Variants in SHB observed in about 807,000 individuals in gnomAD.
SHB encodes SH2 domain containing adaptor protein B, also known as SH2 domain-containing adapter protein B.
A neutral mutation model predicts 52.3 loss-of-function variants in SHB; 20 were observed. The ratio of observed to expected loss-of-function variants is 0.38; its 90% CI spans 0.27 to 0.56. The LOEUF (loss-of-function observed/expected upper bound fraction) is 0.56, where lower values mean the gene tolerates loss of function less well. Among genes scored for constraint, SHB ranks in the 20% least tolerant of loss-of-function variants. The pLI, the probability that SHB is intolerant of heterozygous loss-of-function variation, is 0.71. For missense variants in SHB, 825 were observed against 723.3 expected (o/e 1.14, Z -1.61); for synonymous variants, 397 against 316.5 (o/e 1.25, Z -2.70).
chr9:37,939,112 C>A (rs1001201744), intron 5 of SHB, among the ~76,000 whole-genome samples: 3 of 152,202 alleles, frequency 2.0e-5, no homozygotes, highest in African/African-American at 7.2e-5. Context: ...TATCACACAC[C>A]CAGGGCCAGA....
At chr9:37,967,604 A>T (rs1169791912) in intron 3 of SHB, among the ~76,000 whole-genome samples, 1 of 152,190 alleles carries the variant, frequency 6.6e-6, no homozygotes, top group African/African-American at 2.4e-5. Flanking sequence ...CCTAATACAA[A>T]GCATGTACTC....
chr9:38,008,643 C>G (rs1821101433), intron 2 of SHB, among the ~76,000 whole-genome samples: 1 of 152,208 alleles, frequency 6.6e-6, no homozygotes, highest in South Asian at 2.1e-4. Context: ...AGTGCACAAC[C>G]CTCTCTGGGC....
chr9:37,980,393 C>T (rs1306128505), intron 2 of SHB, among the ~76,000 whole-genome samples: 5 of 152,210 alleles, frequency 3.3e-5, no homozygotes, highest in Non-Finnish European at 1.5e-5. Flanking sequence ...TAAGAAGCAA[C>T]TCTTTATTTG....
chr9:38,006,087 T>G (rs897866662), intron 2 of SHB, among the ~76,000 whole-genome samples: 38 of 152,042 alleles, frequency 2.5e-4, no homozygotes, highest in Non-Finnish European at 1.5e-5. Flanking sequence ...CCCCATCAGG[T>G]GACTGACTTT....
At chr9:37,958,630 TC>T (rs1377682956) in intron 3 of SHB, among the ~76,000 whole-genome samples, 1 of 152,188 alleles carries the variant, frequency 6.6e-6, no homozygotes, top group African/African-American at 2.4e-5. Flanking sequence ...CTCAAGGCCT[TC>T]CCAGGGGACA....
At chr9:38,047,792 A>C (rs973522518) in intron 1 of SHB, among the ~76,000 whole-genome samples, 1 of 152,248 alleles carries the variant, frequency 6.6e-6, no homozygotes, top group African/African-American at 2.4e-5. Flanking sequence ...AGTGGGTGTT[A>C]AGCAAACAAG....
chr9:37,986,977 T>C (rs1216406703), intron 2 of SHB, among the ~76,000 whole-genome samples: 1 of 152,234 alleles, frequency 6.6e-6, no homozygotes, highest in Non-Finnish European at 1.5e-5. Flanking sequence ...CAGAGAGGCC[T>C]GGGGCCACAC....
At chr9:38,063,249 T>G (rs1484076288) in intron 1 of SHB, among the ~76,000 whole-genome samples, 1 of 152,238 alleles carries the variant, frequency 6.6e-6, no homozygotes, top group Non-Finnish European at 1.5e-5. Flanking sequence ...CAAATGGGAA[T>G]GACTGACAAC....
At chr9:38,038,200 C>T (rs994500556) in intron 1 of SHB, among the ~76,000 whole-genome samples, 1 of 152,174 alleles carries the variant, frequency 6.6e-6, no homozygotes, top group African/African-American at 2.4e-5. Flanking sequence ...CAGCAGCACA[C>T]AACAGGCTGG....
intron 1 of SHB, among the ~76,000 whole-genome samples, chr9:38,055,431 G>C (rs960144202): frequency 6.6e-6 from 1 of 152,098 alleles, no homozygotes; most frequent in African/African-American, 2.4e-5. Flanking sequence ...GTTGATGGTG[G>C]GCCGAAAACG....
chr9:38,017,487 C>T (rs1194248998), intron 1 of SHB, among the ~76,000 whole-genome samples: 2 of 152,192 alleles, frequency 1.3e-5, no homozygotes, highest in African/African-American at 2.4e-5. Flanking sequence ...AGCAAGTGAC[C>T]GCCAGCTGCC....
At chr9:38,013,345 T>C (rs1821166550) in intron 2 of SHB, among the ~76,000 whole-genome samples, 1 of 152,206 alleles carries the variant, frequency 6.6e-6, no homozygotes, top group South Asian at 2.1e-4. Flanking sequence ...GTGCAGTGGC[T>C]CATGCCTGCA....
intron 5 of SHB, among the ~76,000 whole-genome samples, chr9:37,942,615 C>T (rs1832446957): frequency 6.6e-6 from 1 of 152,250 alleles, no homozygotes; most frequent in African/African-American, 2.4e-5. Context: ...ATGTGTAGGG[C>T]TTATCTGCCA....
intron 5 of SHB, among the ~76,000 whole-genome samples, chr9:37,937,701 G>T (rs1032172672): frequency 6.6e-6 from 1 of 152,256 alleles, no homozygotes; most frequent in African/African-American, 2.4e-5. Context: ...GAAGACAAGG[G>T]CTATAAAATT....
intron 1 of SHB, among the ~76,000 whole-genome samples, chr9:38,022,898 A>G (rs1391283686): frequency 2.0e-5 from 3 of 152,314 alleles, no homozygotes; most frequent in Non-Finnish European, 4.4e-5. Context: ...GGGTGTCCAA[A>G]CAGAGGCTCT....
In SHB at chr9:37,918,874, C is replaced by G. The variant is rs16924398; in HGVS notation, c.*947G>C. 6.6e-6 allele frequency among the ~76,000 whole-genome samples: 1 copy of G among 152,156 alleles called. No individual in the cohort carries two copies. The highest frequency in any genetic ancestry group is 1.5e-5 in the Non-Finnish European group (1 of 68,020). ...TTTGGTCAACACTGGAGGCTCCTGA[C>G]TATGTCCACTGCTGAAGCCTGAACT... On this transcript the variant is annotated 3_prime_UTR_variant, in exon 6 of 6. Coordinates refer to ENST00000377707, the MANE Select transcript of SHB (RefSeq NM_003028.3).
Position 38,016,422 on chromosome 9 carries a change from A to C in SHB, c.718-291T>G, listed in dbSNP as rs17439509. 0.071 allele frequency among the ~76,000 whole-genome samples: 10,883 copies of C among 152,286 alleles called. 489 individuals are homozygous for C. The highest frequency in any genetic ancestry group is 0.11 in the South Asian group (537 of 4,808). On this transcript the variant is annotated intron_variant, in intron 1 of 5. Coordinates refer to ENST00000377707, the MANE Select transcript of SHB (RefSeq NM_003028.3). ...GCATCTGGTGAAGGTAACAATGCAC[A>C]CTAAGCATGGAGGCGAGAACCTGGA...
At chr9:37,944,257 GA>G in intron 5 of SHB, among the ~76,000 whole-genome samples, 1 of 152,198 alleles carries the variant, frequency 6.6e-6, no homozygotes, top group Non-Finnish European at 1.5e-5. Flanking sequence ...TGCAAGTGCA[GA>G]AAGTTGGGGG....
intron 3 of SHB, among the ~76,000 whole-genome samples, chr9:37,961,589 A>G (rs552332579): frequency 6.6e-6 from 1 of 152,312 alleles, no homozygotes; most frequent in South Asian, 2.1e-4. Flanking sequence ...TTAGGTTCCA[A>G]TCACAAAGGA....
Sources: gnomAD v4.1 joint callset for allele counts (sites outside exome capture counted in the v4.1 genomes callset) on GRCh38, gnomAD v4.1.1 for gene constraint, MANE v1.5 for transcripts, NCBI Gene and HGNC (gene_info 2026-07-23, HGNC 2026-07-21) for gene names.